Variants in ALDH2 observed in about 807,000 individuals in gnomAD.
ALDH2 encodes aldehyde dehydrogenase 2 family member.
A neutral mutation model predicts 59.6 loss-of-function variants in ALDH2; 44 were observed. The observed-to-expected ratio is 0.74, with a 90% CI of 0.58 to 0.95. The LOEUF is 0.95. Ranked by LOEUF, ALDH2 falls within the 40% of genes least tolerant of loss-of-function variation. The probability of loss-of-function intolerance (pLI) is 0.00; values close to 1 mark genes in which losing one functional copy is unlikely to be tolerated. For synonymous variants in ALDH2, 291 were observed against 284.0 expected (o/e 1.02, Z -0.25); for missense variants, 570 against 696.3 (o/e 0.82, Z 2.04).
intron 4 of ALDH2, among the ~76,000 whole-genome samples, chr12:111,786,558 T>TG (rs2068311225): frequency 6.6e-6 from 1 of 151,588 alleles, no homozygotes; most frequent in Admixed American, 6.6e-5. Context: ...TTTTAATTTT[T>TG]TTTTTTTGAG....
intron 1 of ALDH2, among the ~76,000 whole-genome samples, chr12:111,779,518 G>A (rs1256433652): frequency 6.6e-6 from 1 of 152,160 alleles, no homozygotes; most frequent in East Asian, 1.9e-4. Flanking sequence ...AGTGAGCCTG[G>A]CCACCCCTCC....
chr12:111,792,559 C>T, intron 8 of ALDH2, 39 bp from the exon 9 acceptor site: 1 of 1,593,296 alleles, frequency 6.3e-7, no homozygotes, highest in South Asian at 1.1e-5. Context: ...GGTCCTCCTC[C>T]TCACTGTCAC....
At chr12:111,782,601 C>T (rs970091248) in intron 2 of ALDH2, among the ~76,000 whole-genome samples, 3 of 151,228 alleles carry the variant, frequency 2.0e-5, no homozygotes, top group African/African-American at 7.3e-5. Context: ...TAAGAAAATA[C>T]AGGCCAGGCG....
chr12:111,806,122 G>C (rs184688239), intron 12 of ALDH2, among the ~76,000 whole-genome samples: 152 of 151,866 alleles, frequency 1.0e-3, no homozygotes, highest in African/African-American at 3.5e-3. Context: ...GACCATCCTG[G>C]CTAACATGGT....
chr12:111,806,035 C>G (rs376601246), intron 12 of ALDH2, among the ~76,000 whole-genome samples: 1 of 144,548 alleles, frequency 6.9e-6, no homozygotes, highest in Non-Finnish European at 1.5e-5. Flanking sequence ...AAAAACAGGC[C>G]GGGCGCAGTG....
In ALDH2 at chr12:111,791,391, A is replaced by G. The variant is rs749950720; in HGVS notation, c.767A>G (p.Asp256Gly). 6.2e-7 allele frequency: 1 copy of G among 1,613,986 alleles called. No homozygotes were observed. The highest frequency in any genetic ancestry group is 8.5e-7 in the Non-Finnish European group (1 of 1,179,916). ...GAAIASHEDVDKVAFTGSTEI... is the reference protein window; with the variant it reads ...GAAIASHEDVGKVAFTGSTEI... ...GCCATTGCCTCCCATGAGGATGTGG[A>G]CAAAGTGGCATTCACAGGCTCCACT... The change falls in exon 7 of 13, where the codon GAC becomes GGC. Residue 256 changes from aspartate (D) to glycine (G), a missense_variant. Asp to Gly is a moderately conservative substitution (Grantham distance 94). Transcript: ENST00000261733.
intron 1 of ALDH2, among the ~76,000 whole-genome samples, chr12:111,767,545 AAG>A (rs1413259436): frequency 6.6e-6 from 1 of 152,164 alleles, no homozygotes; most frequent in East Asian, 1.9e-4. Context: ...AAAACCAGGA[AAG>A]AGGTGATTTG....
At chr12:111,778,982 C>G (rs2136011297) in intron 1 of ALDH2, among the ~76,000 whole-genome samples, 1 of 152,068 alleles carries the variant, frequency 6.6e-6, no homozygotes, top group Admixed American at 6.5e-5. Context: ...CCTCAGCCTC[C>G]TGAGTAGCTG....
At chr12:111,768,542 A>G (rs1199852773) in intron 1 of ALDH2, among the ~76,000 whole-genome samples, 3 of 152,262 alleles carry the variant, frequency 2.0e-5, no homozygotes, top group African/African-American at 7.2e-5. Context: ...TTGAGCATCA[A>G]AAGATCTAGC....
intron 1 of ALDH2, among the ~76,000 whole-genome samples, chr12:111,772,781 C>T (rs1159809276): frequency 3.3e-5 from 5 of 151,454 alleles, no homozygotes; most frequent in Admixed American, 6.6e-5. Context: ...TGAAGCGATC[C>T]TCCTGCGTCA....
At chr12:111,798,975 C>T (rs992026407) in intron 10 of ALDH2, among the ~76,000 whole-genome samples, 27 of 151,908 alleles carry the variant, frequency 1.8e-4, no homozygotes, top group African/African-American at 6.5e-4. Flanking sequence ...CGCCACTGCA[C>T]TCCAGCCTAG....
chr12:111,779,651 T>C (rs1420121100), intron 1 of ALDH2, among the ~76,000 whole-genome samples: 1 of 152,210 alleles, frequency 6.6e-6, no homozygotes, highest in Non-Finnish European at 1.5e-5. Context: ...GGCCAGGACA[T>C]GCAGGGATGC....
In ALDH2 at chr12:111,809,971, C is replaced by G; in HGVS notation, c.*396C>G. On this transcript the variant is annotated 3_prime_UTR_variant, in exon 13 of 13. Transcript: ENST00000261733. ...TGGGCTAAGATTCATTAAAAACTAG[C>G]TGCTCTTAACTTACTGGGTAACTCT... 1 of 259,746 alleles carries G rather than the reference C, an allele frequency of 3.8e-6. No individual in the cohort carries two copies. The highest frequency in any genetic ancestry group is 7.5e-6 in the Non-Finnish European group (1 of 134,228). 16.1% of individuals were successfully genotyped at this position (259,746 alleles called of 1,614,324 possible).
Position 111,817,027 on chromosome 12 carries a change from A to G in ALDH2, c.*7452A>G, listed in dbSNP as rs1185792004. 2 of 152,188 alleles carry G rather than the reference A, an allele frequency of 1.3e-5. No individual in the cohort carries two copies. The highest frequency in any genetic ancestry group is 2.4e-5 in the African/African-American group (1 of 41,438). The allele number at this position is 152,188 out of a possible 1,614,324, so 9.4% of individuals were successfully genotyped here. A position where few individuals can be genotyped will look rare whatever the true frequency, so the allele number is the denominator to read the frequency against. On this transcript the variant is annotated 3_prime_UTR_variant, in exon 13 of 13. Transcript: ENST00000261733. Reference sequence around the variant, plus strand: ...TGGTGCAATTGCTGTTGCAATTGCAAGCTTTGTACTTGTTCTCCTAACTGT... The same window carrying G: ...TGGTGCAATTGCTGTTGCAATTGCAGGCTTTGTACTTGTTCTCCTAACTGT...
intron 12 of ALDH2, 86 bp from the exon 13 acceptor site, chr12:111,809,457 C>T: frequency 2.0e-6 from 3 of 1,474,088 alleles, no homozygotes; most frequent in Non-Finnish European, 2.8e-6. Flanking sequence ...GCCCTTTCTG[C>T]TCACACTTAG....
intron 9 of ALDH2, among the ~76,000 whole-genome samples, chr12:111,797,036 T>C (rs950764032): frequency 1.3e-5 from 2 of 151,910 alleles, no homozygotes; most frequent in African/African-American, 4.8e-5. Flanking sequence ...CTTGGCTTAC[T>C]GCAATCTCCA....
At chr12:111,779,308 G>T (rs1406294628) in intron 1 of ALDH2, among the ~76,000 whole-genome samples, 1 of 152,098 alleles carries the variant, frequency 6.6e-6, no homozygotes, top group African/African-American at 2.4e-5. Context: ...GTCCATCTCA[G>T]CCTCCTAAGT....
At chr12:111,791,194 T>G in intron 6 of ALDH2, 112 bp from the exon 7 acceptor site, 1 of 753,298 alleles carries the variant, frequency 1.3e-6, no homozygotes, top group East Asian at 2.7e-5. Context: ...TCTGACCACA[T>G]GTGTCCTTGG....
chr12:111,776,481 C>T (rs1312636940), intron 1 of ALDH2, among the ~76,000 whole-genome samples: 1 of 152,044 alleles, frequency 6.6e-6, no homozygotes, highest in Non-Finnish European at 1.5e-5. Context: ...CAAACCCAGG[C>T]CGGGCATGGT....
Sources: gnomAD v4.1 joint callset for allele counts (sites outside exome capture counted in the v4.1 genomes callset) on GRCh38, gnomAD v4.1.1 for gene constraint, MANE v1.5 for transcripts, NCBI Gene and HGNC (gene_info 2026-07-23, HGNC 2026-07-21) for gene names.